Variants in PIK3C2G observed in about 807,000 individuals in gnomAD.
The protein encoded by PIK3C2G is phosphatidylinositol 3-kinase C2 domain-containing subunit gamma.
PIK3C2G carries 168 observed loss-of-function variants against 181.1 expected under a neutral mutation model. The observed-to-expected ratio is 0.93, with a 90% CI of 0.82 to 1.05. The LOEUF (loss-of-function observed/expected upper bound fraction) is 1.05, where lower values mean the gene tolerates loss of function less well. PIK3C2G is among the 50% of genes least tolerant of loss of function. The pLI is 0.00. For synonymous variants in PIK3C2G, 573 were observed against 592.2 expected, an observed-to-expected ratio of 0.97 and a Z score of 0.47; for missense variants, 1,869 against 1,732.8, an observed-to-expected ratio of 1.08 and a Z score of -1.40.
At chr12:18,682,172 A>G in the PIK3C2G span, among the ~76,000 whole-genome samples, 1 of 152,036 alleles carries the variant, frequency 6.6e-6, no homozygotes, top group African/African-American at 2.4e-5. Flanking sequence ...CTTACTACCT[A>G]TGGCTTGGGA....
the PIK3C2G span, chr12:18,693,382 A>C: frequency 6.2e-7 from 1 of 1,604,238 alleles, no homozygotes; most frequent in Middle Eastern, 2.1e-4. Flanking sequence ...GAATCTGTGG[A>C]GCTTCCTCTC....
chr12:18,387,031 C>T (rs1258617138), intron 14 of PIK3C2G, among the ~76,000 whole-genome samples: 2 of 152,084 alleles, frequency 1.3e-5, no homozygotes, highest in African/African-American at 4.8e-5. Context: ...CCAAACGGAG[C>T]CCACTTCCTC....
At chr12:18,265,677 C>G (rs1395981688) in intron 1 of PIK3C2G, among the ~76,000 whole-genome samples, 2 of 152,002 alleles carry the variant, frequency 1.3e-5, no homozygotes, top group African/African-American at 4.8e-5. Context: ...TTTGGTAATA[C>G]TTTTAACTTT....
chr12:18,693,993 C>A, the PIK3C2G span: 4 of 1,489,934 alleles, frequency 2.7e-6, no homozygotes, highest in East Asian at 9.1e-5. Context: ...GGTCTGATGG[C>A]CTTAAGAGAA....
chr12:18,353,317 A>G (rs548765329), intron 11 of PIK3C2G, among the ~76,000 whole-genome samples: 1 of 151,466 alleles, frequency 6.6e-6, no homozygotes, highest in Non-Finnish European at 1.5e-5. Flanking sequence ...GCACATGAGG[A>G]AAAAAAAAGC....
intron 24 of PIK3C2G, among the ~76,000 whole-genome samples, chr12:18,512,679 G>T (rs1203470376): frequency 6.6e-6 from 1 of 151,758 alleles, no homozygotes; most frequent in Non-Finnish European, 1.5e-5. Context: ...TCCTTTATCA[G>T]TTCTAACAGT....
chr12:18,320,793 T>C (rs965365332), intron 6 of PIK3C2G, among the ~76,000 whole-genome samples, 169 bp from the exon 7 acceptor site: 4 of 152,234 alleles, frequency 2.6e-5, no homozygotes, highest in African/African-American at 7.2e-5. Context: ...TGAAAAGGCT[T>C]ATATAGTTAA....
chr12:18,722,290 A>G, the PIK3C2G span, among the ~76,000 whole-genome samples: 1 of 151,980 alleles, frequency 6.6e-6, no homozygotes, highest in Non-Finnish European at 1.5e-5. Flanking sequence ...TTTACTGTCA[A>G]CTTTCCTCCA....
Position 18,475,373 on chromosome 12 carries a change from AACACACACACACACACAC to A in PIK3C2G, c.2505-13057_2505-13040del, listed in dbSNP as rs57853875. Among the ~76,000 whole-genome samples, 10 of 139,834 alleles carry A rather than the reference AACACACACACACACACAC, an allele frequency of 7.2e-5. 1 individual carries two copies. Among genetic ancestry groups the A allele is most frequent in the Admixed American group, 2.2e-4 (3 of 13,756 alleles). 91.7% of individuals were successfully genotyped at this position (139,834 alleles called of 152,430 possible). A position where few individuals can be genotyped will look rare whatever the true frequency, so the allele number is the denominator to read the frequency against. ...CTCTCTCAATCTCACCCACCACCCC[AACACACACACACACACAC>A]ACACACACACACACACACCATTTTT... On this transcript the variant is annotated intron_variant, in intron 18 of 32. Transcript: ENST00000538779.
the PIK3C2G span, among the ~76,000 whole-genome samples, chr12:18,663,395 A>G: frequency 6.6e-6 from 1 of 152,160 alleles, no homozygotes; most frequent in East Asian, 1.9e-4. Flanking sequence ...TATAATAACT[A>G]TTTACATAAC....
At chr12:18,444,071 T>A in intron 18 of PIK3C2G, among the ~76,000 whole-genome samples, 1 of 152,242 alleles carries the variant, frequency 6.6e-6, no homozygotes, top group East Asian at 1.9e-4. Context: ...AAGGCACTAT[T>A]CTATTACAAA....
At chr12:18,551,086 T>C (rs973932666) in intron 26 of PIK3C2G, among the ~76,000 whole-genome samples, 2 of 152,026 alleles carry the variant, frequency 1.3e-5, no homozygotes, top group African/African-American at 4.8e-5. Flanking sequence ...TTAATGGTAT[T>C]TAGAGGGAAA....
chr12:18,448,148 A>AT (rs1947133815), intron 18 of PIK3C2G, among the ~76,000 whole-genome samples: 1 of 152,194 alleles, frequency 6.6e-6, no homozygotes, highest in African/African-American at 2.4e-5. Context: ...TGCTTTTTTG[A>AT]TTAAAACATA....
chr12:18,656,791 C>T, the PIK3C2G span, among the ~76,000 whole-genome samples: 10 of 151,986 alleles, frequency 6.6e-5, no homozygotes, highest in Non-Finnish European at 8.8e-5. Flanking sequence ...CAGGCAGAAA[C>T]GGTCAGAATC....
intron 5 of PIK3C2G, among the ~76,000 whole-genome samples, chr12:18,295,383 G>A (rs1949893910): frequency 6.6e-6 from 1 of 151,836 alleles, no homozygotes; most frequent in Admixed American, 6.6e-5. Flanking sequence ...TGTACATCTA[G>A]ACTTTTCTTG....
At chr12:18,378,453 A>G (rs1037211308) in intron 13 of PIK3C2G, among the ~76,000 whole-genome samples, 2 of 152,230 alleles carry the variant, frequency 1.3e-5, no homozygotes, top group South Asian at 2.1e-4. Flanking sequence ...GGACATAGGC[A>G]TGGGCAAGGA....
chr12:18,715,542 C>CA, the PIK3C2G span: 2 of 152,150 alleles, frequency 1.3e-5, no homozygotes, highest in East Asian at 3.9e-4. Context: ...GCTGGAACTA[C>CA]AGGCGCCCAC....
intron 22 of PIK3C2G, among the ~76,000 whole-genome samples, chr12:18,500,029 G>A (rs940536499): frequency 6.6e-6 from 1 of 152,256 alleles, no homozygotes; most frequent in African/African-American, 2.4e-5. Context: ...TCCTCTGCCT[G>A]GGCTCCCACT....
At chr12:18,315,905 G>A (rs1455018592) in intron 6 of PIK3C2G, among the ~76,000 whole-genome samples, 1 of 151,870 alleles carries the variant, frequency 6.6e-6, no homozygotes, top group East Asian at 1.9e-4. Flanking sequence ...GTGTGTGTGT[G>A]TGTGTGTGTG....
Sources: allele counts gnomAD v4.1 joint callset (sites outside exome capture counted in the v4.1 genomes callset), GRCh38; gene constraint gnomAD v4.1.1; transcripts MANE v1.5; gene names NCBI Gene and HGNC (gene_info 2026-07-23, HGNC 2026-07-21).